Variants in ADAMTSL1 observed in about 807,000 individuals in gnomAD.
ADAMTSL1 encodes the protein ADAMTS like 1, also known as ADAMTS-like protein 1.
ADAMTSL1 carries 126 observed loss-of-function variants against 201.8 expected under a neutral mutation model. The ratio of observed to expected loss-of-function variants is 0.62; its 90% confidence interval spans 0.54 to 0.72. The LOEUF is 0.72. ADAMTSL1 is among the 30% of genes least tolerant of loss of function. The probability of loss-of-function intolerance (pLI) is 0.00; values close to 1 mark genes in which losing one functional copy is unlikely to be tolerated. For synonymous variants in ADAMTSL1, 1,121 were observed against 903.4 expected (o/e 1.24, Z -4.32); for missense variants, 2,679 against 2,277.8 (o/e 1.18, Z -3.59).
At chr9:18,562,841 C>A (rs1821613512) in intron 3 of ADAMTSL1, among the ~76,000 whole-genome samples, 1 of 152,188 alleles carries the variant, frequency 6.6e-6, no homozygotes, top group Non-Finnish European at 1.5e-5. Context: ...TCACAAAGTT[C>A]TCATGCTCTG....
intron 1 of ADAMTSL1, among the ~76,000 whole-genome samples, chr9:18,029,210 G>T (rs1293103858): frequency 1.3e-5 from 2 of 152,124 alleles, no homozygotes; most frequent in Non-Finnish European, 2.9e-5. Flanking sequence ...TCTGCAAACG[G>T]ACAATTTGAC....
At chr9:18,211,435 A>G (rs921518288) in intron 2 of ADAMTSL1, among the ~76,000 whole-genome samples, 45 of 152,296 alleles carry the variant, frequency 3.0e-4, no homozygotes, top group African/African-American at 6.3e-4. Flanking sequence ...TTCTAAAACA[A>G]AAATTTTATC....
chr9:18,363,941 G>A (rs1836645306), intron 2 of ADAMTSL1, among the ~76,000 whole-genome samples: 1 of 152,014 alleles, frequency 6.6e-6, no homozygotes, highest in African/African-American at 2.4e-5. Context: ...AAGGAACATA[G>A]TTTCTAGCAA....
At chr9:18,896,131 CAGA>C (rs1262976267) in intron 26 of ADAMTSL1, among the ~76,000 whole-genome samples, 3 of 152,118 alleles carry the variant, frequency 2.0e-5, no homozygotes, top group Non-Finnish European at 2.9e-5. Flanking sequence ...TTGAGAGTCT[CAGA>C]AGAAGAAAGG....
rs1563784428 is a variant in ADAMTSL1 at position 18,770,640 on chromosome 9, G to A, written c.2256G>A (p.Glu752=). The change falls in exon 17 of 29, where the codon GAG becomes GAA. Residue 752 remains glutamate (E), a synonymous_variant. Transcript: ENST00000380548. Reference sequence around the variant, plus strand: ...GTGGCGGGGGTGTTCAGAAACGTGAGGTTCTTTGCAAGCAGCGCATGGCTG... The same window carrying A: ...GTGGCGGGGGTGTTCAGAAACGTGAAGTTCTTTGCAAGCAGCGCATGGCTG... The part of the protein sequence containing the change: ...RTCGGGVQKR[E]VLCKQRMADG... The A allele has an allele frequency of 1.2e-6, 2 of 1,613,478 alleles. No homozygotes were observed. Among genetic ancestry groups the A allele is most frequent in the Non-Finnish European group, 1.7e-6 (2 of 1,179,760 alleles).
intron 3 of ADAMTSL1, among the ~76,000 whole-genome samples, chr9:18,554,174 T>A (rs13292240): frequency 0.27 from 40,090 of 150,958 alleles, 5,716 homozygotes; most frequent in East Asian, 0.6. Context: ...GTTTTTTTTT[T>A]AAATCTACAT....
At chr9:18,016,626 A>G (rs1028325112) in intron 1 of ADAMTSL1, among the ~76,000 whole-genome samples, 5 of 152,052 alleles carry the variant, frequency 3.3e-5, no homozygotes, top group African/African-American at 1.2e-4. Context: ...TGGAATACAA[A>G]TTATGAGATA....
chr9:18,908,204 G>A (rs1406865129), intron 28 of ADAMTSL1: 2 of 543,966 alleles, frequency 3.7e-6, no homozygotes, highest in South Asian at 2.0e-5. Context: ...AGCCCAGGGA[G>A]GGGCCCCATC....
At chr9:17,949,227 G>T (rs1017309109) in intron 1 of ADAMTSL1, among the ~76,000 whole-genome samples, 1 of 152,166 alleles carries the variant, frequency 6.6e-6, no homozygotes, top group African/African-American at 2.4e-5. Context: ...TGCAGACAGG[G>T]CATCATGGAG....
At chr9:17,990,276 C>T (rs1311129550) in intron 1 of ADAMTSL1, among the ~76,000 whole-genome samples, 1 of 151,980 alleles carries the variant, frequency 6.6e-6, no homozygotes, top group Non-Finnish European at 1.5e-5. Flanking sequence ...AGAGAAATAG[C>T]TCTTCTGTTT....
At chr9:18,825,678 TC>T (rs1824503300) in intron 21 of ADAMTSL1, among the ~76,000 whole-genome samples, 1 of 151,630 alleles carries the variant, frequency 6.6e-6, no homozygotes, top group African/African-American at 2.4e-5. Flanking sequence ...ACACAGAGCA[TC>T]GCCAGTGGCC....
intron 4 of ADAMTSL1, among the ~76,000 whole-genome samples, chr9:18,616,004 A>T (rs1311083508): frequency 6.6e-6 from 1 of 151,998 alleles, no homozygotes; most frequent in African/African-American, 2.4e-5. Flanking sequence ...CTTTACCTGG[A>T]TGATTTGTTT....
chr9:17,984,572 A>T (rs2131476225), intron 1 of ADAMTSL1, among the ~76,000 whole-genome samples: 1 of 152,252 alleles, frequency 6.6e-6, no homozygotes, highest in Non-Finnish European at 1.5e-5. Flanking sequence ...GGTGAGGAAC[A>T]TACTTAATTT....
intron 3 of ADAMTSL1, among the ~76,000 whole-genome samples, chr9:18,542,725 AT>A (rs1357647765): frequency 3.9e-5 from 6 of 152,100 alleles, no homozygotes; most frequent in African/African-American, 7.2e-5. Context: ...AGTCTGTGGT[AT>A]TTTCTTATGG....
At chr9:18,902,235 C>A (rs982639199) in intron 26 of ADAMTSL1, among the ~76,000 whole-genome samples, 4 of 152,154 alleles carry the variant, frequency 2.6e-5, no homozygotes, top group African/African-American at 9.6e-5. Flanking sequence ...AACAGAGCAA[C>A]TGAACAATAC....
At chr9:18,766,181 G>A (rs1437701278) in intron 16 of ADAMTSL1, among the ~76,000 whole-genome samples, 2 of 152,204 alleles carry the variant, frequency 1.3e-5, no homozygotes, top group Non-Finnish European at 2.9e-5. Context: ...CTTGGTTCAT[G>A]ATTGGCATTT....
At chr9:17,988,922 C>G (rs1009535664) in intron 1 of ADAMTSL1, among the ~76,000 whole-genome samples, 2 of 151,176 alleles carry the variant, frequency 1.3e-5, no homozygotes, top group Admixed American at 6.6e-5. Flanking sequence ...GCATTTTTTC[C>G]CCCAATTGCT....
At chr9:18,819,864 A>C (rs900808704) in intron 21 of ADAMTSL1, among the ~76,000 whole-genome samples, 1 of 152,270 alleles carries the variant, frequency 6.6e-6, no homozygotes, top group Non-Finnish European at 1.5e-5. Flanking sequence ...TTGCTGGACA[A>C]GGAAATCATC....
At chr9:18,828,318 G>C (rs933682964) in intron 22 of ADAMTSL1, among the ~76,000 whole-genome samples, 2 of 152,078 alleles carry the variant, frequency 1.3e-5, no homozygotes, top group African/African-American at 4.8e-5. Flanking sequence ...CCAACAATTG[G>C]CCCAAAAAGA....
Sources: allele counts gnomAD v4.1 joint callset (sites outside exome capture counted in the v4.1 genomes callset), GRCh38; gene constraint gnomAD v4.1.1; transcripts MANE v1.5; gene names NCBI Gene and HGNC (gene_info 2026-07-23, HGNC 2026-07-21).